The following WHRN variants were observed in gnomAD, a reference collection of about 807,000 sequenced individuals.
WHRN encodes the protein CASK-interacting protein CIP98.
Under a neutral mutation model 68.3 loss-of-function variants are expected in WHRN, and 41 were observed. That is an observed-to-expected ratio of 0.60 (90% CI 0.47 to 0.78). WHRN has a LOEUF of 0.78. Among genes scored for constraint, WHRN ranks in the 30% least tolerant of loss-of-function variants. WHRN has a pLI of 0.00. For missense variants in WHRN, 1,243 were observed against 1,244.7 expected, an observed-to-expected ratio of 1.00 and a Z score of 0.02; for synonymous variants, 560 against 561.3, an observed-to-expected ratio of 1.00 and a Z score of 0.03.
At chr9:114,427,555 C>G (rs960703673) in intron 3 of WHRN, among the ~76,000 whole-genome samples, 1 of 152,126 alleles carries the variant, frequency 6.6e-6, no homozygotes, top group Non-Finnish European at 1.5e-5. Flanking sequence ...CTGCTGAGAG[C>G]ACATGATCAA....
At chr9:114,421,961 A>T (rs1453378842) in intron 7 of WHRN, among the ~76,000 whole-genome samples, 1 of 152,140 alleles carries the variant, frequency 6.6e-6, no homozygotes, top group African/African-American at 2.4e-5. Context: ...GTATAAAGGA[A>T]TCACCCCCAG....
chr9:114,477,037 T>C (rs917383859), intron 2 of WHRN, among the ~76,000 whole-genome samples: 3 of 152,176 alleles, frequency 2.0e-5, no homozygotes, highest in African/African-American at 7.2e-5. Flanking sequence ...ACAAGTTCCC[T>C]GGTGGGGAGA....
chr9:114,402,860 C>A lies in WHRN; in HGVS notation c.2618G>T (p.Arg873Leu), dbSNP rs1301232723. The change falls in exon 12 of 12, where the codon CGG becomes CTG. Residue 873 changes from arginine to leucine, a missense_variant. Physicochemically the swap from Arg to Leu is moderately radical, Grantham distance 102. Coordinates refer to ENST00000362057, the MANE Select transcript of WHRN (RefSeq NM_015404.4). ...GGCGGCCTCCCGGTGCTCCTTGCCC[C>A]GAAGCGTCAGCCCATTCACTTCCAG... ...VILEVNGLTL[R>L]GKEHREAARI... 6.2e-6 allele frequency: 10 copies of A among 1,614,036 alleles called. No individual in the cohort carries two copies. The highest frequency in any genetic ancestry group is 8.5e-6 in the Non-Finnish European group (10 of 1,180,034).
At chr9:114,467,501 C>T (rs1016081671) in intron 2 of WHRN, among the ~76,000 whole-genome samples, 3 of 150,172 alleles carry the variant, frequency 2.0e-5, no homozygotes, top group Admixed American at 6.6e-5. Context: ...GGAGGGTGAG[C>T]GAGAGTCAGC....
chr9:114,445,637 G>T lies in WHRN; in HGVS notation c.964-19224C>A, dbSNP rs79923606. On this transcript the variant is annotated intron_variant, in intron 3 of 11. Transcript: ENST00000362057. ...TTCTCTAACACCTCCCTCTATGTTT[G>T]GGGGTCTGGGGTAGAGTGGGTCTAG... Among the ~76,000 whole-genome samples the T allele has an allele frequency of 7.7e-4, 117 of 152,238 alleles. 1 individual carries two copies. In the East Asian group the frequency reaches 0.021, roughly 27 times the overall value.
chr9:114,479,148 C>T (rs1202650664), intron 1 of WHRN, among the ~76,000 whole-genome samples: 1 of 152,168 alleles, frequency 6.6e-6, no homozygotes, highest in Admixed American at 6.5e-5. Context: ...GGCTCATGTG[C>T]TTAGACTGTC....
chr9:114,439,436 C>CTT (rs1341224295), intron 3 of WHRN, among the ~76,000 whole-genome samples: 1 of 152,172 alleles, frequency 6.6e-6, no homozygotes, highest in African/African-American at 2.4e-5. Flanking sequence ...TCTGAAACTA[C>CTT]TTTTGTGTCT....
rs761132310 is a variant in WHRN, at chr9:114,478,789, C to A, written c.619-18G>T. ...TTCAGAGCCTAGGGAGAGAGGGATA[C>A]AAAGGTTAGAGGAAGGGAGGTGCCG... On this transcript the variant is annotated intron_variant, in intron 1 of 11. Coordinates refer to ENST00000362057, the MANE Select transcript of WHRN (RefSeq NM_015404.4). 1.9e-6 allele frequency: 3 copies of A among 1,604,746 alleles called. No homozygotes were observed. In the African/African-American group the frequency reaches 4.0e-5, roughly 21 times the overall value.
At chr9:114,406,315 G>T in intron 9 of WHRN, 40 bp downstream of exon 9, 1 of 1,612,676 alleles carries the variant, frequency 6.2e-7, no homozygotes. Flanking sequence ...AGAGGACAGG[G>T]ACCCCCAAGG....
At chr9:114,492,837 TAC>T (rs993723893) in intron 1 of WHRN, among the ~76,000 whole-genome samples, 8 of 150,446 alleles carry the variant, frequency 5.3e-5, no homozygotes, top group Non-Finnish European at 1.2e-4. Flanking sequence ...GAAAAAAAAA[TAC>T]ACACACACAC....
chr9:114,471,500 C>T (rs1841218090), intron 2 of WHRN, among the ~76,000 whole-genome samples: 1 of 152,224 alleles, frequency 6.6e-6, no homozygotes, highest in Non-Finnish European at 1.5e-5. Context: ...CTTGGTTCTG[C>T]CCCTCACTCT....
In WHRN at chr9:114,403,974, C is replaced by A. The variant is rs935520648; in HGVS notation, c.2340G>T (p.Arg780Ser). The A allele has an allele frequency of 1.2e-6, 2 of 1,609,218 alleles. No individual in the cohort carries two copies. Among genetic ancestry groups the A allele is most frequent in the African/African-American group, 2.7e-5 (2 of 74,558 alleles). Residue 780 changes from arginine (R) to serine (S), a missense_variant, in exon 10 of 12, where the codon AGG becomes AGT. By Grantham distance (110) the Arg-to-Ser change is moderately radical. Coordinates refer to ENST00000362057, the MANE Select transcript of WHRN (RefSeq NM_015404.4). Reference sequence around the variant, plus strand: ...TCCTGCTCTTGGTGGACACCGACTGCCTTCCTCGGCCTGGGGCGCTGGCCT... The same window carrying A: ...TCCTGCTCTTGGTGGACACCGACTGACTTCCTCGGCCTGGGGCGCTGGCCT... ...EAEASAPGRG[R>S]QSVSTKSRSS... is the part of the protein sequence containing the mutation.
In WHRN at chr9:114,503,215, C is replaced by T. The variant is rs557110481; in HGVS notation, c.618+969G>A. 21 of 985,398 alleles carry T rather than the reference C, an allele frequency of 2.1e-5. 2 individuals carry two copies. In the African/African-American group the frequency reaches 2.8e-4, roughly 13 times the overall value. 61.0% of individuals were successfully genotyped at this position (985,398 alleles called of 1,614,324 possible). The stretch of plus-strand genomic sequence containing the variant: ...CCTCAGCTGGAGTTCAAAACACCTG[C>T]GCTGGCGGGGAGTGGGGGTTTACAG... On this transcript the variant is annotated intron_variant, in intron 1 of 11. Coordinates refer to ENST00000362057, the MANE Select transcript of WHRN (RefSeq NM_015404.4).
chr9:114,504,957 G>C lies in WHRN; in HGVS notation c.-156C>G. ...CACGGGTACAGTGGCTGGATCCTAG[G>C]GGGTCGCGGAGACCGCTGCTAGAGT... On this transcript the variant is annotated 5_prime_UTR_variant, in exon 1 of 12. Transcript: ENST00000362057. 5 of 1,144,542 alleles carry C rather than the reference G, an allele frequency of 4.4e-6. No individual in the cohort carries two copies. Among genetic ancestry groups the C allele is most frequent in the Non-Finnish European group, 5.6e-6 (5 of 890,838 alleles). 70.9% of individuals were successfully genotyped at this position (1,144,542 alleles called of 1,614,324 possible).
chr9:114,494,560 C>A (rs996704629), intron 1 of WHRN, among the ~76,000 whole-genome samples: 1 of 152,218 alleles, frequency 6.6e-6, no homozygotes, highest in Non-Finnish European at 1.5e-5. Context: ...AAACCCAGGG[C>A]TTCGGAGCTC....
chr9:114,479,561 G>A (rs948292033), intron 1 of WHRN, among the ~76,000 whole-genome samples: 3 of 152,186 alleles, frequency 2.0e-5, no homozygotes, highest in Non-Finnish European at 2.9e-5. Flanking sequence ...ACCAAGCACA[G>A]AGTCGACAGA....
At chr9:114,426,150 A>G in intron 4 of WHRN, 61 bp downstream of exon 4, 1 of 1,607,524 alleles carries the variant, frequency 6.2e-7, no homozygotes, top group Non-Finnish European at 8.5e-7. Flanking sequence ...GGAGGCAGCT[A>G]TCACTGGCTT....
At chr9:114,430,943 T>C (rs2132466162) in intron 3 of WHRN, among the ~76,000 whole-genome samples, 1 of 152,278 alleles carries the variant, frequency 6.6e-6, no homozygotes, top group South Asian at 2.1e-4. Context: ...GTGGCTCCCA[T>C]TTTTCTGTGT....
chr9:114,469,876 C>T (rs1235957276), intron 2 of WHRN, among the ~76,000 whole-genome samples: 2 of 152,256 alleles, frequency 1.3e-5, no homozygotes, highest in Admixed American at 1.3e-4. Flanking sequence ...CTTCCAGCTT[C>T]TAGGGGCCAC....
Sources: allele counts gnomAD v4.1 joint callset (sites outside exome capture counted in the v4.1 genomes callset), GRCh38; gene constraint gnomAD v4.1.1; transcripts MANE v1.5; gene names NCBI Gene and HGNC (gene_info 2026-07-23, HGNC 2026-07-21).